The following ZBTB44 variants were observed in gnomAD, a reference collection of about 807,000 sequenced individuals.
ZBTB44 encodes zinc finger and BTB domain-containing protein 44.
A neutral mutation model predicts 54.0 loss-of-function variants in ZBTB44; 15 were observed. That is an observed-to-expected ratio of 0.28 (90% CI 0.19 to 0.43). The LOEUF (loss-of-function observed/expected upper bound fraction) is 0.43. Among genes scored for constraint, ZBTB44 ranks in the 20% least tolerant of loss-of-function variants. The pLI, the probability that ZBTB44 is intolerant of heterozygous loss-of-function variation, is 1.00. For missense variants in ZBTB44, 487 were observed against 707.1 expected, an observed-to-expected ratio of 0.69 and a Z score of 3.53; for synonymous variants, 230 against 250.1, an observed-to-expected ratio of 0.92 and a Z score of 0.76.
chr11:130,299,643 A>C (rs1053656233), intron 1 of ZBTB44, among the ~76,000 whole-genome samples: 3 of 152,220 alleles, frequency 2.0e-5, no homozygotes, highest in Non-Finnish European at 4.4e-5. Flanking sequence ...ATAGTAAAAA[A>C]AAAAAACAAA....
At chr11:130,290,744 T>C (rs1472836828) in intron 1 of ZBTB44, among the ~76,000 whole-genome samples, 3 of 152,214 alleles carry the variant, frequency 2.0e-5, no homozygotes, top group Admixed American at 2.0e-4. Flanking sequence ...CATGGACTGA[T>C]TTAAATACAT....
intron 1 of ZBTB44, among the ~76,000 whole-genome samples, chr11:130,274,657 T>A (rs1430778047): frequency 6.6e-6 from 1 of 152,234 alleles, no homozygotes. Flanking sequence ...TTCCATTAAT[T>A]AATTTTAAAT....
At chr11:130,239,757 T>C (rs564347496) in intron 3 of ZBTB44, 55 bp downstream of exon 3, 19 of 1,402,926 alleles carry the variant, frequency 1.4e-5, no homozygotes, top group Middle Eastern at 1.8e-4. Flanking sequence ...ATGCTTGAAT[T>C]TGGAGTTGTA....
At chr11:130,270,872 G>A (rs568682711) in intron 1 of ZBTB44, among the ~76,000 whole-genome samples, 7 of 152,338 alleles carry the variant, frequency 4.6e-5, no homozygotes, top group African/African-American at 1.4e-4. Flanking sequence ...ATATCCACAT[G>A]TAAATTTATA....
chr11:130,265,618 GA>G (rs1939194933), intron 1 of ZBTB44, among the ~76,000 whole-genome samples: 1 of 152,190 alleles, frequency 6.6e-6, no homozygotes, highest in Non-Finnish European at 1.5e-5. Context: ...ATTCTTGAAG[GA>G]AATTAAAAGT....
rs755309997 is a variant in ZBTB44 at position 130,261,277 on chromosome 11, G to A, written c.597C>T (p.Gly199=). The A allele has an allele frequency of 1.5e-5, 24 of 1,613,684 alleles. 1 individual carries two copies. The East Asian group carries it at 4.5e-4, about 30-fold the overall frequency. ...VMSPESPVKC[G]TQTSSPQVLN... ...ATACCTGGGGTGAGCTTGTTTGTGT[G>A]CCACACTTTACAGGACTTTCAGGAG... The change falls in exon 2 of 8, where the codon GGC becomes GGT. Residue 199 remains glycine, a synonymous_variant. Transcript: ENST00000357899. The surrounding 1 kb of genome is among the most constrained non-coding windows in gnomAD (Gnocchi z 4.8).
chr11:130,295,251 C>G (rs929738021), intron 1 of ZBTB44, among the ~76,000 whole-genome samples: 3 of 152,124 alleles, frequency 2.0e-5, no homozygotes, highest in African/African-American at 7.2e-5. Context: ...TGAAAACATT[C>G]TATGAATGTG....
intron 1 of ZBTB44, among the ~76,000 whole-genome samples, chr11:130,278,787 T>C (rs1213315857): frequency 1.3e-5 from 2 of 152,226 alleles, no homozygotes; most frequent in Admixed American, 6.5e-5. Context: ...AATTTTTATA[T>C]TCTTATTGAT....
chr11:130,293,622 GAAAAAAA>G (rs771432644), intron 1 of ZBTB44, among the ~76,000 whole-genome samples: 1 of 100,058 alleles, frequency 1.0e-5, no homozygotes, highest in Admixed American at 1.1e-4. Flanking sequence ...TCTACTTAAA[GAAAAAAA>G]AAAAAAAAAA....
intron 1 of ZBTB44, among the ~76,000 whole-genome samples, chr11:130,283,298 G>A (rs933451354): frequency 2.0e-5 from 3 of 151,810 alleles, no homozygotes; most frequent in Non-Finnish European, 2.9e-5. Context: ...CACCCGCCTC[G>A]GCCTCCCAAA....
At chr11:130,243,842 A>AT (rs749579871) in intron 2 of ZBTB44, among the ~76,000 whole-genome samples, 3 of 152,270 alleles carry the variant, frequency 2.0e-5, no homozygotes, top group East Asian at 1.9e-4. Flanking sequence ...AACACTTGGT[A>AT]TTGCAGGATT....
rs1953704443 is a variant in ZBTB44, at chr11:130,226,708, G to A, written c.*5056C>T. The stretch of plus-strand genomic sequence containing the variant: ...TCCATAAAGCATAAGATATTTTAAT[G>A]AGAAAACGAAAACAAAATCAAACCT... On this transcript the variant is annotated 3_prime_UTR_variant, in exon 8 of 8. Coordinates refer to ENST00000357899, the MANE Select transcript of ZBTB44 (RefSeq NM_001301098.2). The A allele has an allele frequency of 6.6e-6, 1 of 152,130 alleles. No individual in the cohort carries two copies. Among genetic ancestry groups the A allele is most frequent in the Non-Finnish European group, 1.5e-5 (1 of 68,026 alleles). 9.4% of individuals were successfully genotyped at this position (152,130 alleles called of 1,614,324 possible).
intron 1 of ZBTB44, among the ~76,000 whole-genome samples, chr11:130,309,721 C>A (rs147184408): frequency 6.6e-6 from 1 of 151,016 alleles, no homozygotes; most frequent in Non-Finnish European, 1.5e-5. Flanking sequence ...ATGGTGAAAC[C>A]CCATCTCTAC....
intron 1 of ZBTB44, among the ~76,000 whole-genome samples, chr11:130,311,279 G>A (rs980021842): frequency 3.3e-5 from 5 of 152,086 alleles, no homozygotes; most frequent in Admixed American, 6.6e-5. Flanking sequence ...TATGAACATG[G>A]CTCACTGCAG....
intron 1 of ZBTB44, among the ~76,000 whole-genome samples, chr11:130,287,624 A>G (rs1328042107): frequency 6.6e-6 from 1 of 152,214 alleles, no homozygotes; most frequent in Non-Finnish European, 1.5e-5. Flanking sequence ...GAATGACTCT[A>G]AAGTACTTGC....
At chr11:130,252,090 A>G (rs1420096778) in intron 2 of ZBTB44, among the ~76,000 whole-genome samples, 1 of 152,206 alleles carries the variant, frequency 6.6e-6, no homozygotes, top group Admixed American at 6.5e-5. Flanking sequence ...TTTACCAAGC[A>G]AATGGAAAGA....
At chr11:130,244,842 T>A (rs1250829346) in intron 2 of ZBTB44, among the ~76,000 whole-genome samples, 1 of 152,158 alleles carries the variant, frequency 6.6e-6, no homozygotes, top group Non-Finnish European at 1.5e-5. Flanking sequence ...ACACTTGAAT[T>A]GCTGTCATTA....
intron 3 of ZBTB44, chr11:130,239,056 A>AC (rs1954239423): frequency 6.4e-6 from 1 of 156,264 alleles, no homozygotes. Flanking sequence ...GTGGTGACTT[A>AC]GAGTAGGGTG....
intron 1 of ZBTB44, among the ~76,000 whole-genome samples, chr11:130,291,835 C>G (rs1177218187): frequency 6.6e-6 from 1 of 152,164 alleles, no homozygotes; most frequent in Non-Finnish European, 1.5e-5. Flanking sequence ...GTACAATAAA[C>G]TGCATAGTGG....
Sources: allele counts gnomAD v4.1 joint callset (sites outside exome capture counted in the v4.1 genomes callset), GRCh38; gene constraint gnomAD v4.1.1; non-coding constraint Gnocchi (gnomAD v3.1); transcripts MANE v1.5; gene names NCBI Gene and HGNC (gene_info 2026-07-23, HGNC 2026-07-21).